Variants in JMY observed in about 807,000 individuals in gnomAD.
JMY encodes the protein junction-mediating and -regulatory protein.
Under a neutral mutation model 103.3 loss-of-function variants are expected in JMY, and 46 were observed. The ratio of observed to expected loss-of-function variants is 0.45; its 90% CI spans 0.35 to 0.57. The LOEUF (loss-of-function observed/expected upper bound fraction) is 0.57. Ranked by LOEUF, JMY falls within the 20% of genes least tolerant of loss-of-function variation. The pLI is 0.00. For synonymous variants in JMY, 526 were observed against 489.3 expected (o/e 1.07, Z -0.99); for missense variants, 1,238 against 1,255.2 (o/e 0.99, Z 0.21).
intron 1 of JMY, among the ~76,000 whole-genome samples, chr5:79,273,827 T>G (rs1162494135): frequency 6.7e-6 from 1 of 150,102 alleles, no homozygotes; most frequent in Non-Finnish European, 1.5e-5. Context: ...TTCTTTTTTG[T>G]TTTTTTTTCT....
intron 1 of JMY, among the ~76,000 whole-genome samples, chr5:79,244,163 G>A (rs571883923): frequency 5.3e-5 from 8 of 152,102 alleles, no homozygotes; most frequent in African/African-American, 1.9e-4. Context: ...ACCACACCCA[G>A]CTAACTTTTG....
At chr5:79,255,769 T>A (rs1011568404) in intron 1 of JMY, among the ~76,000 whole-genome samples, 1 of 152,238 alleles carries the variant, frequency 6.6e-6, no homozygotes, top group Non-Finnish European at 1.5e-5. Flanking sequence ...CTTCCCTTAC[T>A]TTATCCTTAA....
At position 79,324,044 on chromosome 5, in the gene JMY, C is replaced by G. The variant is rs766265309; in HGVS notation, c.*2442C>G. 3 of 152,182 alleles carry G rather than the reference C, an allele frequency of 2.0e-5. No homozygotes were observed. The highest frequency in any genetic ancestry group is 2.9e-5 in the Non-Finnish European group (2 of 68,036). 9.4% of individuals were successfully genotyped at this position (152,182 alleles called of 1,614,324 possible). A position where few individuals can be genotyped will look rare whatever the true frequency, so the allele number is the denominator to read the frequency against. ...TGCCTTAAGGTGCAGGTTCCTACTT[C>G]TACAAAATTTCAAATGATTGCAGGT... On this transcript the variant is annotated 3_prime_UTR_variant, in exon 11 of 11. Coordinates refer to ENST00000396137, the MANE Select transcript of JMY (RefSeq NM_152405.5).
intron 6 of JMY, among the ~76,000 whole-genome samples, chr5:79,305,007 T>A (rs973239095): frequency 4.6e-5 from 7 of 152,226 alleles, no homozygotes; most frequent in African/African-American, 1.7e-4. Flanking sequence ...TAACACGCCC[T>A]TTGTTTTCCC....
intron 1 of JMY, among the ~76,000 whole-genome samples, chr5:79,269,539 T>G (rs561565936): frequency 6.6e-6 from 1 of 152,334 alleles, no homozygotes; most frequent in African/African-American, 2.4e-5. Context: ...AACTAATACC[T>G]TGTTAGTATT....
chr5:79,236,414 A>T lies in JMY; in HGVS notation c.-237A>T. 1 of 360,298 alleles carries T rather than the reference A, an allele frequency of 2.8e-6. No homozygotes were observed. The allele number at this position is 360,298 out of a possible 1,614,324, so 22.3% of individuals were successfully genotyped here. On this transcript the variant is annotated 5_prime_UTR_variant, in exon 1 of 11. Transcript: ENST00000396137. ...TTGTAAACAGATCCGGCCGCAGGTG[A>T]CCATGTGAACTACCTGCTCCCGGGA...
Position 79,237,675 on chromosome 5 carries a change from T to G in JMY, c.1025T>G (p.Ile342Ser), listed in dbSNP as rs1235974197. The G allele has an allele frequency of 6.2e-7, 1 of 1,611,540 alleles. No individual in the cohort carries two copies. The highest frequency in any genetic ancestry group is 1.7e-5 in the Admixed American group (1 of 59,792). ...EEVLQRARKRIQELLDKHKNT... is the reference protein window; with the variant it reads ...EEVLQRARKRSQELLDKHKNT... ...GTGCTTCAGCGGGCCAGGAAGCGCA[T>G]CCAGGAGGTGAGTGAGTGAGCTCCT... is the stretch of plus-strand genomic sequence containing the variant. Residue 342 changes from isoleucine to serine, a missense_variant, in exon 1 of 11, where the codon ATC becomes AGC. Physicochemically the swap from Ile to Ser is moderately radical, Grantham distance 142 (BLOSUM62 -2). Coordinates refer to ENST00000396137, the MANE Select transcript of JMY (RefSeq NM_152405.5).
At position 79,271,228 on chromosome 5, in the gene JMY, C is replaced by G. The variant is rs375372582; in HGVS notation, c.1033-6682C>G. ...TTTTAAATTTTAGTAGAGAGAGTCT[C>G]GCTATGTTGCTCAGGCTGGCCTTGA... On this transcript the variant is annotated intron_variant, in intron 1 of 10. Transcript: ENST00000396137. Among the ~76,000 whole-genome samples the G allele has an allele frequency of 2.0e-5, 3 of 151,196 alleles. No homozygotes were observed. The East Asian group carries it at 5.8e-4, about 29-fold the overall frequency.
At position 79,291,260 on chromosome 5, in the gene JMY, G is replaced by A. The variant is rs1233476451; in HGVS notation, c.1488G>A (p.Glu496=). The change falls in exon 4 of 11, where the codon GAG becomes GAA. Residue 496 remains glutamate, a synonymous_variant. Coordinates refer to ENST00000396137, the MANE Select transcript of JMY (RefSeq NM_152405.5). ...KETLQMMRAK[E]ICLEQRKHAL... ...CTTTGCAGATGATGAGAGCTAAAGAGATATGCTTGGAACAGCGGAAACATG... is the reference window on the plus strand; with the variant it reads ...CTTTGCAGATGATGAGAGCTAAAGAAATATGCTTGGAACAGCGGAAACATG... 1 of 1,609,394 alleles carries A rather than the reference G, an allele frequency of 6.2e-7. No individual in the cohort carries two copies. The highest frequency in any genetic ancestry group is 1.1e-5 in the South Asian group (1 of 89,584).
chr5:79,275,422 C>T (rs1442200769), intron 1 of JMY, among the ~76,000 whole-genome samples: 1 of 152,102 alleles, frequency 6.6e-6, no homozygotes, highest in Admixed American at 6.5e-5. Context: ...TGGCCTCCCA[C>T]AGTGCTGGGA....
intron 1 of JMY, among the ~76,000 whole-genome samples, chr5:79,239,992 C>T (rs558294915): frequency 6.6e-6 from 1 of 151,312 alleles, no homozygotes; most frequent in Admixed American, 6.6e-5. Flanking sequence ...GATTTATTTT[C>T]TTTAACAGAA....
At position 79,264,399 on chromosome 5, in the gene JMY, T is replaced by G. The variant is rs1029135862; in HGVS notation, c.1033-13511T>G. ...ACTTCACCTGGCCATAATTTTTAAT[T>G]TTTTTTTTTTGTAGAGACATGGTCT... On this transcript the variant is annotated intron_variant, in intron 1 of 10. Transcript: ENST00000396137. Among the ~76,000 whole-genome samples the G allele has an allele frequency of 2.7e-5, 4 of 150,056 alleles. No homozygotes were observed. In the South Asian group the frequency reaches 8.5e-4, roughly 32 times the overall value.
At chr5:79,300,442 G>A (rs569882671) in intron 5 of JMY, 124 bp downstream of exon 5, 3 of 928,830 alleles carry the variant, frequency 3.2e-6, no homozygotes, top group Non-Finnish European at 4.7e-6. Context: ...GATAGAGTGT[G>A]GGGGGGTGAT....
At chr5:79,279,033 T>C (rs1746031480) in intron 2 of JMY, among the ~76,000 whole-genome samples, 2 of 152,100 alleles carry the variant, frequency 1.3e-5, no homozygotes, top group South Asian at 4.1e-4. Context: ...TGTGACAAAG[T>C]ATATTACAAA....
At chr5:79,278,741 A>G (rs1213297188) in intron 2 of JMY, among the ~76,000 whole-genome samples, 2 of 151,218 alleles carry the variant, frequency 1.3e-5, no homozygotes, top group Non-Finnish European at 2.9e-5. Flanking sequence ...ACTGCACTCC[A>G]GCCTAGGCAA....
rs549879450 is a variant in JMY, at chr5:79,249,413, C to CA, written c.1032+11731_1032+11732insA. ...TTACCAAAAGGAAATGATATGCCAG[C>CA]TCATAGTGAAGCTGCCTAGATGCTT... On this transcript the variant is annotated intron_variant, in intron 1 of 10. Coordinates refer to ENST00000396137, the MANE Select transcript of JMY (RefSeq NM_152405.5). 1.1e-4 allele frequency among the ~76,000 whole-genome samples: 16 copies of CA among 152,292 alleles called. No homozygotes were observed. In the East Asian group the frequency reaches 3.1e-3, roughly 29 times the overall value.
chr5:79,272,162 A>G (rs375599705), intron 1 of JMY, among the ~76,000 whole-genome samples: 15 of 151,100 alleles, frequency 9.9e-5, no homozygotes, highest in African/African-American at 3.6e-4. Context: ...AATACTCTAT[A>G]TCTTACAGTC....
In JMY at chr5:79,237,195, TAGTG is replaced by T; in HGVS notation, c.548_551del (p.Val183AlafsTer10). On this transcript the variant is annotated frameshift_variant, in exon 1 of 11. Transcript: ENST00000396137. LOFTEE classifies it high-confidence loss of function. ...GAGGCCCAGGTGTCCTCTGTACGGA[TAGTG>T]AGCGCCTCTGGGACGGTCTCCGAGG... The T allele has an allele frequency of 6.5e-7, 1 of 1,550,192 alleles. No individual in the cohort carries two copies. Among genetic ancestry groups the T allele is most frequent in the Non-Finnish European group, 8.7e-7 (1 of 1,146,812 alleles).
At chr5:79,257,976 T>C (rs1745298222) in intron 1 of JMY, among the ~76,000 whole-genome samples, 1 of 152,096 alleles carries the variant, frequency 6.6e-6, no homozygotes, top group South Asian at 2.1e-4. Context: ...TTGGCCAGGC[T>C]GGTCTTGAAC....
Sources: gnomAD v4.1 joint callset for allele counts (sites outside exome capture counted in the v4.1 genomes callset) on GRCh38, gnomAD v4.1.1 for gene constraint, MANE v1.5 for transcripts, NCBI Gene and HGNC (gene_info 2026-07-23, HGNC 2026-07-21) for gene names.